Variants in PDLIM5 observed in about 807,000 individuals in gnomAD.
PDLIM5 encodes the protein PDZ and LIM domain protein 5.
In PDLIM5, 34 loss-of-function variants were observed where a neutral mutation model predicts 64.2. That is an observed-to-expected ratio of 0.53 (90% CI 0.40 to 0.71). The LOEUF (loss-of-function observed/expected upper bound fraction) is 0.71, where lower values mean the gene tolerates loss of function less well. Ranked by LOEUF, PDLIM5 falls within the 30% of genes least tolerant of loss-of-function variation. The pLI is 0.00. For synonymous variants in PDLIM5, 253 were observed against 269.1 expected (o/e 0.94, Z 0.59); for missense variants, 683 against 733.6 (o/e 0.93, Z 0.80).
rs541693532 is a variant in PDLIM5 at position 94,507,495 on chromosome 4, C to G, written c.97-16229C>G. ...CTCTCCAGCTGTGAACCTGTGAGAT[C>G]AAACAGGTTATGTGCTCATATATAT... On this transcript the variant is annotated intron_variant, in intron 2 of 12. Coordinates refer to ENST00000317968, the MANE Select transcript of PDLIM5 (RefSeq NM_006457.5). 6.0e-4 allele frequency among the ~76,000 whole-genome samples: 91 copies of G among 152,268 alleles called. 1 individual carries two copies. Among genetic ancestry groups the G allele is most frequent in the Admixed American group, 5.1e-3 (78 of 15,294 alleles).
chr4:94,610,155 TG>T, intron 7 of PDLIM5: 1 of 1,506,246 alleles, frequency 6.6e-7, no homozygotes, highest in Non-Finnish European at 8.9e-7. Flanking sequence ...TTTCCCTACC[TG>T]TCAGTTTAAG....
intron 3 of PDLIM5, 110 bp downstream of exon 3, chr4:94,523,985 C>A: frequency 1.4e-6 from 1 of 697,876 alleles, no homozygotes; most frequent in Non-Finnish European, 2.4e-6. Flanking sequence ...ACCATCATTT[C>A]AGGTAAATAA....
intron 2 of PDLIM5, chr4:94,456,206 A>G: frequency 2.2e-6 from 1 of 451,076 alleles, no homozygotes; most frequent in East Asian, 4.0e-5. Context: ...TTATACACAC[A>G]GTTTTTTTTG....
intron 2 of PDLIM5, among the ~76,000 whole-genome samples, chr4:94,505,514 A>T (rs1008393362): frequency 6.6e-6 from 1 of 152,044 alleles, no homozygotes; most frequent in African/African-American, 2.4e-5. Context: ...TGCCCACCTC[A>T]GCCTCCCAAA....
At chr4:94,486,805 C>T (rs1179379791) in intron 2 of PDLIM5, among the ~76,000 whole-genome samples, 2 of 152,078 alleles carry the variant, frequency 1.3e-5, no homozygotes, top group African/African-American at 2.4e-5. Context: ...AATTTGAGAC[C>T]AGCCTGGTCA....
At chr4:94,471,219 T>C (rs576841382) in intron 2 of PDLIM5, among the ~76,000 whole-genome samples, 17 of 152,332 alleles carry the variant, frequency 1.1e-4, no homozygotes, top group Admixed American at 3.3e-4. Context: ...AGCAAGTTTT[T>C]CTGTGAGTTT....
At chr4:94,494,808 G>C in intron 2 of PDLIM5, among the ~76,000 whole-genome samples, 1 of 151,710 alleles carries the variant, frequency 6.6e-6, no homozygotes. Flanking sequence ...GAGTGCAATG[G>C]TGCAATCTCG....
intron 2 of PDLIM5, among the ~76,000 whole-genome samples, chr4:94,490,690 T>G (rs952211290): frequency 2.6e-5 from 4 of 152,148 alleles, no homozygotes; most frequent in Non-Finnish European, 4.4e-5. Flanking sequence ...CAATTTAGGA[T>G]TAAACAAAAA....
intron 11 of PDLIM5, among the ~76,000 whole-genome samples, chr4:94,661,822 C>CT (rs869268659): frequency 0.023 from 3,320 of 142,148 alleles, 79 homozygotes; most frequent in African/African-American, 0.064. Context: ...CAGAACAGTT[C>CT]TTTTTTTTTT....
chr4:94,627,132 C>A (rs1345713121), intron 8 of PDLIM5, among the ~76,000 whole-genome samples: 1 of 152,192 alleles, frequency 6.6e-6, no homozygotes, highest in Non-Finnish European at 1.5e-5. Context: ...ATCTGCTCCC[C>A]TGCATTTTGA....
intron 2 of PDLIM5, among the ~76,000 whole-genome samples, chr4:94,513,125 T>A (rs1729044023): frequency 6.6e-6 from 1 of 152,212 alleles, no homozygotes; most frequent in Non-Finnish European, 1.5e-5. Flanking sequence ...GCTGTTTTGG[T>A]TAATATAACC....
intron 2 of PDLIM5, among the ~76,000 whole-genome samples, chr4:94,507,192 G>A (rs1250882193): frequency 6.6e-6 from 1 of 151,878 alleles, no homozygotes; most frequent in Non-Finnish European, 1.5e-5. Flanking sequence ...GTGATCATGT[G>A]AGCCAATTCT....
At position 94,455,392 on chromosome 4, in the gene PDLIM5, A is replaced by T; in HGVS notation, c.96+8A>T. The T allele has an allele frequency of 2.6e-6, 4 of 1,564,962 alleles. No individual in the cohort carries two copies. In the South Asian group the frequency reaches 4.4e-5, roughly 17 times the overall value. On this transcript the variant is annotated splice_region_variant and intron_variant, in intron 2 of 12. Transcript: ENST00000317968. The stretch of plus-strand genomic sequence containing the variant: ...CCTCTGACAATCTCTAGTGTAAGTA[A>T]ACTTTACAAATTTTATTATAGATGT...
At chr4:94,532,897 G>A (rs1731016125) in intron 3 of PDLIM5, among the ~76,000 whole-genome samples, 1 of 152,174 alleles carries the variant, frequency 6.6e-6, no homozygotes, top group Admixed American at 6.5e-5. Flanking sequence ...CAGCTATTGG[G>A]GAGGGTGAGA....
At chr4:94,497,994 G>A (rs2126128642) in intron 2 of PDLIM5, among the ~76,000 whole-genome samples, 2 of 56,376 alleles carry the variant, frequency 3.5e-5, no homozygotes, top group Admixed American at 6.7e-4. Context: ...TGTTACAGTT[G>A]TTGTTGGAAA....
At chr4:94,621,824 A>G (rs1461076878) in intron 8 of PDLIM5, among the ~76,000 whole-genome samples, 1 of 152,234 alleles carries the variant, frequency 6.6e-6, no homozygotes, top group Admixed American at 6.5e-5. Flanking sequence ...TCTAGAAAAT[A>G]TAAATGAATT....
chr4:94,465,600 G>A (rs925292543), intron 2 of PDLIM5, among the ~76,000 whole-genome samples: 4 of 151,812 alleles, frequency 2.6e-5, no homozygotes, highest in African/African-American at 7.3e-5. Flanking sequence ...CAGTAGAGAC[G>A]GGGTTTCACC....
chr4:94,476,895 T>C (rs1277317264), intron 2 of PDLIM5, among the ~76,000 whole-genome samples: 4 of 152,248 alleles, frequency 2.6e-5, no homozygotes, highest in African/African-American at 4.8e-5. Flanking sequence ...GCCTGTATTA[T>C]AGAGTTCCTG....
intron 2 of PDLIM5, among the ~76,000 whole-genome samples, chr4:94,494,554 C>A (rs1727200754): frequency 6.7e-6 from 1 of 150,152 alleles, no homozygotes; most frequent in African/African-American, 2.4e-5. Flanking sequence ...ATTCTCCTGC[C>A]TCAGCCTCCT....
Sources: gnomAD v4.1 joint callset for allele counts (sites outside exome capture counted in the v4.1 genomes callset) on GRCh38, gnomAD v4.1.1 for gene constraint, MANE v1.5 for transcripts, NCBI Gene and HGNC (gene_info 2026-07-23, HGNC 2026-07-21) for gene names.